DOCK1: variants seen among roughly 807,000 people sequenced by gnomAD.
DOCK1 encodes dedicator of cytokinesis 1.
Under a neutral mutation model 262.7 loss-of-function variants are expected in DOCK1, and 138 were observed. The ratio of observed to expected loss-of-function variants is 0.53; its 90% CI spans 0.46 to 0.61. DOCK1 has a LOEUF of 0.61. Among genes scored for constraint, DOCK1 ranks in the 20% least tolerant of loss-of-function variants. DOCK1 has a pLI of 0.00. For synonymous variants in DOCK1, 866 were observed against 867.4 expected, an observed-to-expected ratio of 1.00 and a Z score of 0.03; for missense variants, 1,908 against 2,370.7, an observed-to-expected ratio of 0.80 and a Z score of 4.05.
chr10:127,250,397 G>A (rs1006428105), intron 28 of DOCK1, among the ~76,000 whole-genome samples: 3 of 152,166 alleles, frequency 2.0e-5, no homozygotes, highest in Non-Finnish European at 4.4e-5. Flanking sequence ...AGGATCAGAT[G>A]TTTACTGTGT....
chr10:127,330,344 G>A (rs2135655594), intron 29 of DOCK1, among the ~76,000 whole-genome samples: 1 of 151,806 alleles, frequency 6.6e-6, no homozygotes, highest in African/African-American at 2.4e-5. Context: ...TACTAAAAGA[G>A]TTTTGCTGTG....
At chr10:127,082,982 G>A (rs1278901119) in intron 23 of DOCK1, among the ~76,000 whole-genome samples, 3 of 152,202 alleles carry the variant, frequency 2.0e-5, no homozygotes, top group African/African-American at 7.2e-5. Context: ...ACATCTGCCT[G>A]TCAGCAGTCA....
At chr10:127,275,124 TG>T (rs1037329314) in intron 29 of DOCK1, among the ~76,000 whole-genome samples, 1 of 152,106 alleles carries the variant, frequency 6.6e-6, no homozygotes, top group Non-Finnish European at 1.5e-5. Context: ...TCAGGCCACC[TG>T]GGGGGCAGTG....
chr10:127,361,905 A>C (rs778937512), intron 32 of DOCK1, among the ~76,000 whole-genome samples, 159 bp from the exon 33 acceptor site: 1 of 152,240 alleles, frequency 6.6e-6, no homozygotes, highest in Non-Finnish European at 1.5e-5. Context: ...TGGCTGGGAA[A>C]GTTCAAAATC....
chr10:127,347,861 T>TGCTAAG (rs2063713217), intron 31 of DOCK1, among the ~76,000 whole-genome samples: 1 of 41,746 alleles, frequency 2.4e-5, no homozygotes, highest in Admixed American at 2.0e-4. Flanking sequence ...TCCCTTCCCT[T>TGCTAAG]CCCTTCCCTT....
chr10:126,983,231 A>G (rs1030526626), intron 4 of DOCK1, among the ~76,000 whole-genome samples: 9 of 150,370 alleles, frequency 6.0e-5, no homozygotes, highest in African/African-American at 1.9e-4. Context: ...TCCTGGCTCT[A>G]TCTGTCTCCC....
rs182729554 is a variant in DOCK1 at position 126,907,279 on chromosome 10, G to T, written c.46+1716G>T. On this transcript the variant is annotated intron_variant, in intron 1 of 51. Coordinates refer to ENST00000623213, the MANE Select transcript of DOCK1 (RefSeq NM_001290223.2). ...ACACGCAGAGAGAGAGGAAGAGGTG[G>T]ATAGGCAGGAGAGGCAGGAGGCTGG... 2.9e-3 allele frequency among the ~76,000 whole-genome samples: 447 copies of T among 152,246 alleles called. 1 individual carries two copies. The highest frequency in any genetic ancestry group is 5.3e-3 in the Non-Finnish European group (362 of 68,030).
At chr10:127,270,617 C>CA (rs898535664) in intron 29 of DOCK1, among the ~76,000 whole-genome samples, 2 of 151,078 alleles carry the variant, frequency 1.3e-5, no homozygotes, top group African/African-American at 4.9e-5. Context: ...TTCATTTTAG[C>CA]CATTCTCATG....
chr10:127,068,067 T>G (rs936469600), intron 23 of DOCK1, among the ~76,000 whole-genome samples: 7 of 152,144 alleles, frequency 4.6e-5, no homozygotes, highest in African/African-American at 1.7e-4. Context: ...AGAGGAGCTG[T>G]GTTGAAATAA....
chr10:127,073,007 G>A (rs778412368), intron 23 of DOCK1, among the ~76,000 whole-genome samples: 1 of 152,196 alleles, frequency 6.6e-6, no homozygotes, highest in Non-Finnish European at 1.5e-5. Context: ...GTGAACTGAA[G>A]ATACTAGGCC....
intron 6 of DOCK1, among the ~76,000 whole-genome samples, chr10:126,994,310 TA>T (rs1180758853): frequency 5.3e-5 from 8 of 152,054 alleles, no homozygotes; most frequent in African/African-American, 1.9e-4. Context: ...ACTGTTTATT[TA>T]TTTATTTATT....
At chr10:127,450,401 T>C (rs1264672026) in intron 51 of DOCK1, among the ~76,000 whole-genome samples, 1 of 152,246 alleles carries the variant, frequency 6.6e-6, no homozygotes, top group South Asian at 2.1e-4. Context: ...GATTTCATTC[T>C]GGTTCTTCTG....
At chr10:127,028,940 T>G (rs74655054) in intron 16 of DOCK1, among the ~76,000 whole-genome samples, 1,532 of 152,274 alleles carry the variant, frequency 0.01, 16 homozygotes, top group African/African-American at 0.027. Flanking sequence ...AGGAAGCAGG[T>G]TAAGAACGGG....
intron 1 of DOCK1, among the ~76,000 whole-genome samples, chr10:126,916,741 T>A (rs1211231039): frequency 1.3e-5 from 2 of 151,996 alleles, no homozygotes; most frequent in African/African-American, 4.8e-5. Context: ...CTTCCCTTCT[T>A]TCTTCCTTCC....
intron 23 of DOCK1, among the ~76,000 whole-genome samples, chr10:127,101,556 G>A (rs1035378440): frequency 1.3e-5 from 2 of 152,170 alleles, no homozygotes; most frequent in Non-Finnish European, 1.5e-5. Context: ...CGCCTCAGGG[G>A]GCACAACCCC....
chr10:127,006,351 C>A (rs1232311695), intron 10 of DOCK1, among the ~76,000 whole-genome samples: 1 of 152,238 alleles, frequency 6.6e-6, no homozygotes, highest in Non-Finnish European at 1.5e-5. Context: ...CCTCTGTCTT[C>A]CAGCATCACG....
At chr10:127,106,401 C>G (rs2048533455) in intron 24 of DOCK1, 100 bp downstream of exon 24, 1 of 1,284,574 alleles carries the variant, frequency 7.8e-7, no homozygotes, top group African/African-American at 1.5e-5. Flanking sequence ...CCTCATGTCT[C>G]CATATGTCAG....
rs2041549577 is a variant in DOCK1, at chr10:127,012,640, C to T, written c.1201+266C>T. Among the ~76,000 whole-genome samples the T allele has an allele frequency of 1.3e-5, 2 of 152,136 alleles. No individual in the cohort carries two copies. Among genetic ancestry groups the T allele is most frequent in the Admixed American group, 6.5e-5 (1 of 15,272 alleles). On this transcript the variant is annotated intron_variant, in intron 12 of 51. Transcript: ENST00000623213. This position sits in a 1 kb window ranked among gnomAD's most constrained non-coding sequence, Gnocchi z 4.0. Reference sequence around the variant, plus strand: ...TTAGAAGTTTAGAGGAACATGCAGGCGGTAGGCGTAACTCCCTCTGCCCGT... The same window carrying T: ...TTAGAAGTTTAGAGGAACATGCAGGTGGTAGGCGTAACTCCCTCTGCCCGT...
intron 30 of DOCK1, among the ~76,000 whole-genome samples, chr10:127,342,265 C>T (rs1450725109): frequency 2.0e-5 from 3 of 152,032 alleles, no homozygotes; most frequent in Admixed American, 6.5e-5. Flanking sequence ...AGGCTGAAAT[C>T]GGTGGGAGGT....
Sources: gnomAD v4.1 joint callset for allele counts (sites outside exome capture counted in the v4.1 genomes callset) on GRCh38, gnomAD v4.1.1 for gene constraint, Gnocchi (gnomAD v3.1) non-coding constraint, MANE v1.5 for transcripts, NCBI Gene and HGNC (gene_info 2026-07-23, HGNC 2026-07-21) for gene names.